Variants in EPB41L3 observed in about 807,000 individuals in gnomAD.
EPB41L3 encodes the protein band 4.1-like protein 3.
EPB41L3 carries 57 observed loss-of-function variants against 127.1 expected under a neutral mutation model. The observed-to-expected ratio is 0.45, with a 90% confidence interval of 0.36 to 0.56. The LOEUF (loss-of-function observed/expected upper bound fraction) is 0.56. Among genes scored for constraint, EPB41L3 ranks in the 20% least tolerant of loss-of-function variants. The probability of loss-of-function intolerance (pLI) is 0.00; values close to 1 mark genes in which losing one functional copy is unlikely to be tolerated. For synonymous variants in EPB41L3, 572 were observed against 549.5 expected, an observed-to-expected ratio of 1.04 and a Z score of -0.57; for missense variants, 1,273 against 1,372.2, an observed-to-expected ratio of 0.93 and a Z score of 1.14.
chr18:5,477,490 C>T (rs1225623553), intron 3 of EPB41L3, among the ~76,000 whole-genome samples: 1 of 152,148 alleles, frequency 6.6e-6, no homozygotes, highest in Non-Finnish European at 1.5e-5. Flanking sequence ...TGAAACCTTG[C>T]TAAAAGTGCA....
At chr18:5,488,185 G>C (rs180671326) in intron 2 of EPB41L3, among the ~76,000 whole-genome samples, 2 of 152,244 alleles carry the variant, frequency 1.3e-5, no homozygotes, top group Admixed American at 1.3e-4. Context: ...GATGTGTATA[G>C]GGAGGGAAAG....
At chr18:5,531,237 T>C (rs139890696) in intron 1 of EPB41L3, among the ~76,000 whole-genome samples, 158 of 152,266 alleles carry the variant, frequency 1.0e-3, no homozygotes, top group South Asian at 4.8e-3. Flanking sequence ...ATTCAAGCCT[T>C]TGGATGTGTT....
chr18:5,455,974 T>C (rs1244377064), intron 3 of EPB41L3, among the ~76,000 whole-genome samples: 1 of 152,070 alleles, frequency 6.6e-6, no homozygotes, highest in Non-Finnish European at 1.5e-5. Flanking sequence ...TAATTCTGAA[T>C]GACGTGAAAC....
intron 3 of EPB41L3, among the ~76,000 whole-genome samples, chr18:5,595,765 T>C (rs1054416473): frequency 6.6e-6 from 1 of 152,310 alleles, no homozygotes; most frequent in Admixed American, 6.5e-5. Flanking sequence ...TTCCTGGACA[T>C]GTGCTTATTT....
At chr18:5,398,634 T>G (rs1255997448) in intron 16 of EPB41L3, 16 of 401,602 alleles carry the variant, frequency 4.0e-5, no homozygotes, top group Non-Finnish European at 7.0e-5. Flanking sequence ...GTGGCCCCAA[T>G]GAGTGACACT....
intron 9 of EPB41L3, among the ~76,000 whole-genome samples, 162 bp from the exon 10 acceptor site, chr18:5,424,521 T>C: frequency 6.6e-6 from 1 of 152,210 alleles, no homozygotes; most frequent in East Asian, 1.9e-4. Flanking sequence ...CATTTGTTAA[T>C]TTCAAAAATG....
chr18:5,472,574 G>A (rs937285901), intron 3 of EPB41L3, among the ~76,000 whole-genome samples: 2 of 152,178 alleles, frequency 1.3e-5, no homozygotes, highest in African/African-American at 2.4e-5. Context: ...ACCTGTATTG[G>A]TTTAAAACAG....
chr18:5,566,262 C>T (rs1186678155), intron 3 of EPB41L3, among the ~76,000 whole-genome samples: 2 of 152,188 alleles, frequency 1.3e-5, no homozygotes, highest in Non-Finnish European at 2.9e-5. Context: ...GCAACTTCAG[C>T]AAAGTCTCAG....
At chr18:5,497,146 G>A (rs2091260987) in intron 1 of EPB41L3, among the ~76,000 whole-genome samples, 1 of 152,206 alleles carries the variant, frequency 6.6e-6, no homozygotes, top group Admixed American at 6.5e-5. Flanking sequence ...GGCCAGGGTA[G>A]CTGGAATGCA....
chr18:5,443,978 A>G, intron 4 of EPB41L3, 98 bp from the exon 5 acceptor site: 1 of 1,039,320 alleles, frequency 9.6e-7, no homozygotes, highest in Non-Finnish European at 1.4e-6. Flanking sequence ...GTGCGGAGTT[A>G]GTGGTCGTGG....
upstream of EPB41L3, chr18:5,544,097 C>T: frequency 1.0e-6 from 1 of 985,672 alleles, no homozygotes; most frequent in Non-Finnish European, 1.2e-6. Flanking sequence ...CGGCGGGGGC[C>T]CACGCCCAGA....
chr18:5,619,372 T>C lies in EPB41L3; in HGVS notation c.-467-4949A>G, dbSNP rs146129356. Reference sequence around the variant, plus strand: ...TCTTTTCTTTTTTATGTTTTTTTTCTATTATTAATCCTTTTCCTTAGTCTT... The same window carrying C: ...TCTTTTCTTTTTTATGTTTTTTTTCCATTATTAATCCTTTTCCTTAGTCTT... On this transcript the variant is annotated intron_variant, in intron 1 of 21. Coordinates refer to the EPB41L3 transcript ENST00000545076. Among the ~76,000 whole-genome samples, 8 of 152,216 alleles carry C rather than the reference T, an allele frequency of 5.3e-5. 1 individual carries two copies. Among genetic ancestry groups the C allele is most frequent in the African/African-American group, 1.9e-4 (8 of 41,448 alleles).
intron 3 of EPB41L3, among the ~76,000 whole-genome samples, chr18:5,557,014 G>A (rs2094046481): frequency 6.6e-6 from 1 of 152,236 alleles, no homozygotes; most frequent in Non-Finnish European, 1.5e-5. Context: ...TCTCACCTCT[G>A]TGGACACATA....
intron 6 of EPB41L3, among the ~76,000 whole-genome samples, chr18:5,434,694 C>G (rs1432090696): frequency 2.6e-5 from 4 of 152,170 alleles, no homozygotes; most frequent in African/African-American, 9.7e-5. Flanking sequence ...TGTAAACAAA[C>G]CTACATGTAT....
In EPB41L3 at chr18:5,466,996, T is replaced by C. The variant is rs115009919; in HGVS notation, c.381+11245A>G. ...CTGTAATTATGAAACAAACTGGCAA[T>C]TGATCAGGAAAATTGAAAAAGAATC... On this transcript the variant is annotated intron_variant, in intron 3 of 22. Transcript: ENST00000341928. 4.8e-3 allele frequency among the ~76,000 whole-genome samples: 737 copies of C among 152,242 alleles called. 7 individuals carry two copies. The highest frequency in any genetic ancestry group is 0.017 in the African/African-American group (709 of 41,534).
At chr18:5,504,494 T>C (rs2091993588) in intron 1 of EPB41L3, among the ~76,000 whole-genome samples, 1 of 152,072 alleles carries the variant, frequency 6.6e-6, no homozygotes, top group South Asian at 2.1e-4. Context: ...TCCAAAGGGA[T>C]TTCAAGGGCC....
intron 16 of EPB41L3, among the ~76,000 whole-genome samples, chr18:5,406,077 C>T (rs1285946075): frequency 6.6e-6 from 1 of 151,812 alleles, no homozygotes; most frequent in Non-Finnish European, 1.5e-5. Context: ...ATGGCAAAAC[C>T]CCGTCTCTAT....
chr18:5,584,153 C>T lies in EPB41L3; in HGVS notation c.-306+28187G>A, dbSNP rs115764315. Among the ~76,000 whole-genome samples the T allele has an allele frequency of 2.5e-3, 381 of 152,228 alleles. 1 individual carries two copies. The highest frequency in any genetic ancestry group is 8.6e-3 in the African/African-American group (358 of 41,546). ...CAACATGTTTCTGACCTGGGCTCCACCTTTGATGTATGGGTTCTCTACCCA... is the reference window on the plus strand; with the variant it reads ...CAACATGTTTCTGACCTGGGCTCCATCTTTGATGTATGGGTTCTCTACCCA... On this transcript the variant is annotated intron_variant, in intron 3 of 21. Transcript: ENST00000545076.
chr18:5,527,144 A>C (rs1413203490), intron 1 of EPB41L3, among the ~76,000 whole-genome samples: 4 of 152,168 alleles, frequency 2.6e-5, no homozygotes, highest in East Asian at 1.9e-4. Flanking sequence ...AAATTATCCC[A>C]AAAAGCATAA....
Sources: gnomAD v4.1 joint callset for allele counts (sites outside exome capture counted in the v4.1 genomes callset) on GRCh38, gnomAD v4.1.1 for gene constraint, MANE v1.5 for transcripts, NCBI Gene and HGNC (gene_info 2026-07-23, HGNC 2026-07-21) for gene names.